MBTPS1: variants seen among roughly 807,000 people sequenced by gnomAD.
The protein encoded by MBTPS1 is membrane bound transcription factor peptidase, site 1, also known as membrane-bound transcription factor site-1 protease.
A neutral mutation model predicts 127.8 loss-of-function variants in MBTPS1; 94 were observed. That is an observed-to-expected ratio of 0.74 (90% CI 0.62 to 0.87). The LOEUF (loss-of-function observed/expected upper bound fraction) is 0.87, where lower values mean the gene tolerates loss of function less well. MBTPS1 is among the 40% of genes least tolerant of loss of function. The probability of loss-of-function intolerance (pLI) is 0.00; values close to 1 mark genes in which losing one functional copy is unlikely to be tolerated. For missense variants in MBTPS1, 1,636 were observed against 1,353.2 expected, an observed-to-expected ratio of 1.21 and a Z score of -3.28; for synonymous variants, 632 against 509.4, an observed-to-expected ratio of 1.24 and a Z score of -3.24.
rs764307492 is a variant in MBTPS1 at position 84,060,717 on chromosome 16, C to T, written c.2669G>A (p.Ser890Asn). 4 of 1,613,856 alleles carry T rather than the reference C, an allele frequency of 2.5e-6. No homozygotes were observed. The African/African-American group carries it at 4.0e-5, about 16-fold the overall frequency. ...CTCTGGAGTGACTGAGCCTGCTCCA[C>T]TGGGAGGGCGCTGGCGGTTCCCAGA... ...SHSGNRQRPPSGAGSVTPERM... is the reference protein window; with the variant it reads ...SHSGNRQRPPNGAGSVTPERM... Residue 890 changes from serine (S) to asparagine (N), a missense_variant, in exon 20 of 23, where the codon AGT becomes AAT. Coordinates refer to ENST00000343411, the MANE Select transcript of MBTPS1 (RefSeq NM_003791.4).
chr16:84,084,639 C>T (rs115252499), intron 10 of MBTPS1, among the ~76,000 whole-genome samples: 128 of 152,194 alleles, frequency 8.4e-4, no homozygotes, highest in African/African-American at 3.0e-3. Flanking sequence ...CTATTTGTTC[C>T]CTGCCTGATA....
chr16:84,066,392 G>T, intron 17 of MBTPS1, 97 bp downstream of exon 17: 1 of 1,295,610 alleles, frequency 7.7e-7, no homozygotes, highest in Non-Finnish European at 1.1e-6. Context: ...AGCTAACTGA[G>T]GGATCACCAT....
intron 22 of MBTPS1, among the ~76,000 whole-genome samples, chr16:84,055,197 C>G (rs1341203691): frequency 6.6e-6 from 1 of 152,226 alleles, no homozygotes; most frequent in African/African-American, 2.4e-5. Context: ...CTGGGCAAGG[C>G]CAAGGGCTCT....
chr16:84,067,394 C>A (rs1425312679), intron 16 of MBTPS1, among the ~76,000 whole-genome samples: 1 of 152,114 alleles, frequency 6.6e-6, no homozygotes, highest in Non-Finnish European at 1.5e-5. Context: ...TCTCTGACAC[C>A]CAGGCTGGAG....
intron 12 of MBTPS1, among the ~76,000 whole-genome samples, chr16:84,071,227 G>C (rs2085765688): frequency 6.6e-6 from 1 of 152,234 alleles, no homozygotes; most frequent in Admixed American, 6.5e-5. Context: ...AAGCTGGAAA[G>C]AGGTGGCCGG....
In MBTPS1 at chr16:84,101,655, C is replaced by A. The variant is rs148030971; in HGVS notation, c.129G>T (p.Leu43Phe). ...APCPGCSHLT[L>F]KVEFSSTVVE... ...CAACTGTTGATGAGAATTCCACCTTCAAAGTCAGGTGGGAACAGCCAGGGC... is the reference window on the plus strand; with the variant it reads ...CAACTGTTGATGAGAATTCCACCTTAAAAGTCAGGTGGGAACAGCCAGGGC... Residue 43 changes from leucine (L) to phenylalanine (F), a missense_variant, in exon 2 of 23, where the codon TTG (leucine) becomes TTT (phenylalanine). Leu to Phe is a conservative substitution (Grantham distance 22). Transcript: ENST00000343411. The A allele has an allele frequency of 2.5e-6, 4 of 1,613,884 alleles. No individual in the cohort carries two copies. The highest frequency in any genetic ancestry group is 3.4e-6 in the Non-Finnish European group (4 of 1,179,934).
intron 8 of MBTPS1, among the ~76,000 whole-genome samples, chr16:84,088,107 A>G (rs540651871): frequency 5.9e-5 from 9 of 152,328 alleles, no homozygotes; most frequent in African/African-American, 2.2e-4. Context: ...ATAATGGCAA[A>G]AATGTGTAAA....
chr16:84,086,142 T>C (rs1426247138), intron 9 of MBTPS1: 2 of 152,232 alleles, frequency 1.3e-5, no homozygotes, highest in Admixed American at 1.3e-4. Flanking sequence ...CATACTGGGA[T>C]ACCGAGTAAA....
In MBTPS1 at chr16:84,066,631, G is replaced by C; in HGVS notation, c.2229-18C>G. On this transcript the variant is annotated intron_variant, in intron 16 of 22. Coordinates refer to ENST00000343411, the MANE Select transcript of MBTPS1 (RefSeq NM_003791.4). ...ACCACTGCCTGGGAAAGTGGTAACA[G>C]ACACACAGGGAACAGGGAATGAAGA... 2 of 1,613,226 alleles carry C rather than the reference G, an allele frequency of 1.2e-6. No individual in the cohort carries two copies. Among genetic ancestry groups the C allele is most frequent in the South Asian group, 1.1e-5 (1 of 91,030 alleles).
At chr16:84,060,326 A>G (rs3785017) in intron 20 of MBTPS1, 46,175 of 183,664 alleles carry the variant, frequency 0.25, 6,194 homozygotes, top group Non-Finnish European at 0.29. Context: ...AGCCTGCTGC[A>G]TGGGACCTGG....
rs2086114560 is a variant in MBTPS1 at position 84,091,864 on chromosome 16, A to G, written c.847-16T>C. On this transcript the variant is annotated splice_polypyrimidine_tract_variant and intron_variant, in intron 6 of 22. Coordinates refer to ENST00000343411, the MANE Select transcript of MBTPS1 (RefSeq NM_003791.4). ...TGTAAGATACCTAGTTAAATATTAT[A>G]ACAGTCTGCTTAGTGTTTCAATCAA... 3 of 1,370,490 alleles carry G rather than the reference A, an allele frequency of 2.2e-6. No individual in the cohort carries two copies. The Admixed American group carries it at 5.0e-5, about 23-fold the overall frequency. The allele number at this position is 1,370,490 out of a possible 1,614,324, so 84.9% of individuals were successfully genotyped here.
rs2151158376 is a variant in MBTPS1 at position 84,084,991 on chromosome 16, C to T, written c.1278G>A (p.Leu426=). Residue 426 remains leucine, a synonymous_variant, in exon 10 of 23, where the codon TTG becomes TTA. Coordinates refer to ENST00000343411, the MANE Select transcript of MBTPS1 (RefSeq NM_003791.4). ...TAGGGGGCAGCACTCACCTCACTAA[C>T]AAGGTGACAGCACCTGCAACCACTG... The part of the protein sequence containing the change: ...ASPVVAGAVT[L]LVSTVQKREL... 1 of 1,613,996 alleles carries T rather than the reference C, an allele frequency of 6.2e-7. No homozygotes were observed. Among genetic ancestry groups the T allele is most frequent in the Non-Finnish European group, 8.5e-7 (1 of 1,179,976 alleles).
In MBTPS1 at chr16:84,060,752, G is replaced by A. The variant is rs1295858392; in HGVS notation, c.2634C>T (p.Ser878=). 2 of 1,610,968 alleles carry A rather than the reference G, an allele frequency of 1.2e-6. No homozygotes were observed. Among genetic ancestry groups the A allele is most frequent in the Admixed American group, 1.7e-5 (1 of 59,606 alleles). The part of the protein sequence containing the change: ...QYTSYGVTPP[S]LSHSGNRQRP... The stretch of plus-strand genomic sequence containing the variant: ...GCTGGCGGTTCCCAGAGTGACTGAG[G>A]CTAGGCGGTGTCACCCCATACGATG... Residue 878 remains serine, a synonymous_variant, in exon 20 of 23, where the codon AGC becomes AGT. Coordinates refer to ENST00000343411, the MANE Select transcript of MBTPS1 (RefSeq NM_003791.4).
chr16:84,088,348 C>T (rs2086059317), intron 8 of MBTPS1, among the ~76,000 whole-genome samples: 1 of 151,980 alleles, frequency 6.6e-6, no homozygotes, highest in Non-Finnish European at 1.5e-5. Context: ...AAAAGTGGTA[C>T]TGCCTCCTCA....
chr16:84,116,418 C>G (rs1400359724), intron 1 of MBTPS1, among the ~76,000 whole-genome samples: 1 of 152,214 alleles, frequency 6.6e-6, no homozygotes, highest in African/African-American at 2.4e-5. Context: ...GCCCCGGAAG[C>G]GCACCTAGAA....
chr16:84,078,714 AAAG>A (rs2085895895), intron 11 of MBTPS1, among the ~76,000 whole-genome samples: 1 of 152,242 alleles, frequency 6.6e-6, no homozygotes, highest in Non-Finnish European at 1.5e-5. Flanking sequence ...CGGCTGTGAA[AAAG>A]GAGAATCTCT....
chr16:84,065,809 G>C, intron 17 of MBTPS1, 42 bp from the exon 18 acceptor site: 4 of 1,203,096 alleles, frequency 3.3e-6, no homozygotes, highest in Non-Finnish European at 4.7e-6. Context: ...CAGGAACGCC[G>C]AACACTTTAA....
chr16:84,115,464 A>G (rs2086461291), intron 1 of MBTPS1, among the ~76,000 whole-genome samples: 1 of 152,224 alleles, frequency 6.6e-6, no homozygotes, highest in Non-Finnish European at 1.5e-5. Flanking sequence ...TAGAGCATAA[A>G]ATAAACTTTT....
chr16:84,091,486 CAAA>C (rs10714716), intron 7 of MBTPS1, among the ~76,000 whole-genome samples: 5 of 85,654 alleles, frequency 5.8e-5, no homozygotes, highest in African/African-American at 4.7e-5. Flanking sequence ...AACTCCATCT[CAAA>C]AAAAAAAAAA....
Sources: allele counts gnomAD v4.1 joint callset (sites outside exome capture counted in the v4.1 genomes callset), GRCh38; gene constraint gnomAD v4.1.1; transcripts MANE v1.5; gene names NCBI Gene and HGNC (gene_info 2026-07-23, HGNC 2026-07-21).